CALCR: variants seen among roughly 807,000 people sequenced by gnomAD.
CALCR encodes calcitonin receptor.
In CALCR, 47 loss-of-function variants were observed where a neutral mutation model predicts 59.5. The observed-to-expected ratio is 0.79, with a 90% CI of 0.63 to 1.01. The LOEUF (loss-of-function observed/expected upper bound fraction) is 1.01. CALCR is among the 50% of genes least tolerant of loss of function. The pLI is 0.00. For missense variants in CALCR, 566 were observed against 597.1 expected (o/e 0.95, Z 0.54); for synonymous variants, 213 against 211.3 (o/e 1.01, Z -0.07).
At chr7:93,480,506 TC>T (rs1350943725) in intron 3 of CALCR, among the ~76,000 whole-genome samples, 1 of 151,880 alleles carries the variant, frequency 6.6e-6, no homozygotes, top group Non-Finnish European at 1.5e-5. Flanking sequence ...TTGAAGTTTC[TC>T]CAATTGTATT....
chr7:93,499,196 A>C (rs1368045764), intron 2 of CALCR, among the ~76,000 whole-genome samples: 1 of 151,750 alleles, frequency 6.6e-6, no homozygotes, highest in Non-Finnish European at 1.5e-5. Context: ...TATTGACTCT[A>C]CTTGACATTG....
chr7:93,431,399 T>C (rs1404068680), intron 13 of CALCR, among the ~76,000 whole-genome samples: 1 of 152,128 alleles, frequency 6.6e-6, no homozygotes, highest in East Asian at 1.9e-4. Context: ...ATTCACAGGC[T>C]CTATGTGGTG....
rs11764393 is a variant in CALCR, at chr7:93,566,625, A to C, written c.-27+7664T>G. On this transcript the variant is annotated intron_variant, in intron 2 of 13. Transcript: ENST00000426151. ...CTTAGGTTTGAGTTCCAGCTCTGCC[A>C]CTCAGAGATGTATGAACCTTGCTGG... is the stretch of plus-strand genomic sequence containing the variant. Among the ~76,000 whole-genome samples the C allele has an allele frequency of 4.7e-4, 72 of 152,248 alleles. No homozygotes were observed. The Middle Eastern group carries it at 0.01, about 22-fold the overall frequency.
chr7:93,501,026 G>A (rs1455775259), intron 2 of CALCR, among the ~76,000 whole-genome samples: 1 of 151,918 alleles, frequency 6.6e-6, no homozygotes, highest in Admixed American at 6.6e-5. Flanking sequence ...TAGTTCAAAA[G>A]GTTCTGTAAA....
intron 2 of CALCR, among the ~76,000 whole-genome samples, chr7:93,510,327 C>T (rs1563002305): frequency 2.0e-5 from 3 of 152,088 alleles, no homozygotes; most frequent in Admixed American, 6.6e-5. Context: ...AAAGGTCCCT[C>T]GTTAATATTG....
intron 2 of CALCR, among the ~76,000 whole-genome samples, chr7:93,546,393 C>T (rs1280273528): frequency 6.6e-6 from 1 of 151,950 alleles, no homozygotes; most frequent in Non-Finnish European, 1.5e-5. Flanking sequence ...TATTATGATC[C>T]TCATTGAGAA....
chr7:93,425,774 A>G lies in CALCR; in HGVS notation c.*582T>C, dbSNP rs920305528. On this transcript the variant is annotated 3_prime_UTR_variant, in exon 14 of 14. Transcript: ENST00000426151. The stretch of plus-strand genomic sequence containing the variant: ...TTCAAAGCATACATCTTCCTGCCAA[A>G]TGCAGGTCTTTTTCTTCACATATTT... 6 of 152,350 alleles carry G rather than the reference A, an allele frequency of 3.9e-5. No individual in the cohort carries two copies. The highest frequency in any genetic ancestry group is 3.9e-4 in the Admixed American group (6 of 15,306). 9.4% of individuals were successfully genotyped at this position (152,350 alleles called of 1,614,324 possible). A position where few individuals can be genotyped will look rare whatever the true frequency, so the allele number is the denominator to read the frequency against.
chr7:93,536,911 C>T (rs1789006735), intron 2 of CALCR, among the ~76,000 whole-genome samples: 1 of 151,702 alleles, frequency 6.6e-6, no homozygotes, highest in South Asian at 2.1e-4. Flanking sequence ...AAAGAATATG[C>T]TTGTTCTTAG....
chr7:93,484,250 A>G (rs1800871778), intron 3 of CALCR, among the ~76,000 whole-genome samples: 1 of 151,802 alleles, frequency 6.6e-6, no homozygotes, highest in South Asian at 2.1e-4. Flanking sequence ...TGCAATTCCT[A>G]CTGTGATGTA....
intron 2 of CALCR, among the ~76,000 whole-genome samples, chr7:93,512,404 G>T (rs1193809864): frequency 6.6e-6 from 1 of 152,118 alleles, no homozygotes; most frequent in Non-Finnish European, 1.5e-5. Flanking sequence ...CTTTCTGACT[G>T]TACAGCTCAT....
intron 2 of CALCR, among the ~76,000 whole-genome samples, chr7:93,517,569 GAAAACT>G (rs1463278841): frequency 1.3e-5 from 2 of 151,632 alleles, no homozygotes; most frequent in African/African-American, 2.4e-5. Flanking sequence ...CTACATAACT[GAAAACT>G]AAAAGCAGGT....
chr7:93,513,313 A>G (rs1294990659), intron 2 of CALCR, among the ~76,000 whole-genome samples: 1 of 152,200 alleles, frequency 6.6e-6, no homozygotes, highest in East Asian at 1.9e-4. Context: ...AATGTTTTAA[A>G]TGAAAAAGAT....
chr7:93,460,593 G>GTATATATATATATGTA (rs1800308623), intron 8 of CALCR, among the ~76,000 whole-genome samples: 1 of 89,380 alleles, frequency 1.1e-5, no homozygotes, highest in African/African-American at 5.3e-5. Context: ...ATATATATAT[G>GTATATATATATATGTA]TATATATATA....
chr7:93,439,470 C>T (rs1344704784), intron 9 of CALCR, among the ~76,000 whole-genome samples: 1 of 152,164 alleles, frequency 6.6e-6, no homozygotes, highest in Non-Finnish European at 1.5e-5. Flanking sequence ...AATCCCACCT[C>T]ATCATTTTGT....
At position 93,479,433 on chromosome 7, in the gene CALCR, G is replaced by C; in HGVS notation, c.126C>G (p.Val42=). 6.2e-7 allele frequency: 1 copy of C among 1,612,514 alleles called. No individual in the cohort carries two copies. The highest frequency in any genetic ancestry group is 1.1e-5 in the South Asian group (1 of 91,030). Residue 42 remains valine (V), a synonymous_variant, in exon 4 of 14, where the codon GTC becomes GTG. Coordinates refer to ENST00000426151, the MANE Select transcript of CALCR (RefSeq NM_001742.4). Reference sequence around the variant, plus strand: ...CATCCATCATCTTCTTTCGTCCTACGACGTAAAGAAATGGCTTGGGCTCTA... The same window carrying C: ...CATCCATCATCTTCTTTCGTCCTACCACGTAAAGAAATGGCTTGGGCTCTA... The part of the protein sequence containing the change: ...PTIEPKPFLY[V]VGRKKMMDAQ...
chr7:93,440,532 G>GGTGTGT (rs1197607611), intron 9 of CALCR, among the ~76,000 whole-genome samples: 5 of 110,782 alleles, frequency 4.5e-5, no homozygotes, highest in Non-Finnish European at 9.2e-5. Context: ...GTGGAATTTT[G>GGTGTGT]GTGTGTGTGT....
chr7:93,480,727 G>C (rs564839529), intron 3 of CALCR, among the ~76,000 whole-genome samples: 1 of 151,986 alleles, frequency 6.6e-6, no homozygotes, highest in South Asian at 2.1e-4. Context: ...AGTTTGGAGA[G>C]AGTAGGGAGC....
chr7:93,455,899 G>T (rs573314498), intron 8 of CALCR, among the ~76,000 whole-genome samples: 4 of 152,058 alleles, frequency 2.6e-5, no homozygotes. Context: ...TGTTGGTGGT[G>T]GCACATAAGC....
intron 2 of CALCR, among the ~76,000 whole-genome samples, chr7:93,565,556 G>A (rs1267421972): frequency 2.6e-5 from 4 of 152,168 alleles, no homozygotes; most frequent in Admixed American, 2.6e-4. Flanking sequence ...ATTTTGAATA[G>A]GAAAAGAAGC....
Sources: allele counts gnomAD v4.1 joint callset (sites outside exome capture counted in the v4.1 genomes callset), GRCh38; gene constraint gnomAD v4.1.1; transcripts MANE v1.5; gene names NCBI Gene and HGNC (gene_info 2026-07-23, HGNC 2026-07-21).